Variants in SESN3 observed in about 807,000 individuals in gnomAD.
The protein encoded by SESN3 is sestrin-3.
Under a neutral mutation model 55.3 loss-of-function variants are expected in SESN3, and 21 were observed. That is an observed-to-expected ratio of 0.38 (90% confidence interval 0.27 to 0.55). The LOEUF (loss-of-function observed/expected upper bound fraction) is 0.55, where lower values mean the gene tolerates loss of function less well. Ranked by LOEUF, SESN3 falls within the 20% of genes least tolerant of loss-of-function variation. The pLI is 0.76. For missense variants in SESN3, 408 were observed against 604.3 expected (o/e 0.68, Z 3.41); for synonymous variants, 181 against 203.1 (o/e 0.89, Z 0.93).
At chr11:95,222,953 G>A (rs1296001196) in intron 1 of SESN3, among the ~76,000 whole-genome samples, 2 of 152,122 alleles carry the variant, frequency 1.3e-5, no homozygotes, top group African/African-American at 4.8e-5. Context: ...ACTTTATATA[G>A]TGAATTCCAC....
At chr11:95,218,713 C>T (rs1425218317) in intron 1 of SESN3, among the ~76,000 whole-genome samples, 1 of 147,844 alleles carries the variant, frequency 6.8e-6, no homozygotes, top group Non-Finnish European at 1.5e-5. Flanking sequence ...TGCAATGGCG[C>T]GATCTCAGCT....
intron 9 of SESN3, among the ~76,000 whole-genome samples, chr11:95,173,721 T>C (rs923813599): frequency 4.6e-5 from 7 of 151,980 alleles, no homozygotes; most frequent in African/African-American, 1.4e-4. Context: ...TTTATGCTTA[T>C]CCTGTGAAAA....
chr11:95,189,476 T>C (rs1860226717), intron 4 of SESN3, among the ~76,000 whole-genome samples: 1 of 151,968 alleles, frequency 6.6e-6, no homozygotes, highest in East Asian at 1.9e-4. Flanking sequence ...GGACACAAAC[T>C]TGTAACAGAG....
At chr11:95,220,482 A>G (rs1860838373) in intron 1 of SESN3, among the ~76,000 whole-genome samples, 1 of 152,200 alleles carries the variant, frequency 6.6e-6, no homozygotes, top group African/African-American at 2.4e-5. Context: ...TGGTCACATA[A>G]TTAGGATTTA....
intron 1 of SESN3, among the ~76,000 whole-genome samples, chr11:95,225,529 A>G (rs1860932820): frequency 6.6e-6 from 1 of 152,312 alleles, no homozygotes; most frequent in African/African-American, 2.4e-5. Context: ...AGCAGCCTCA[A>G]TATTGCAGAG....
At position 95,230,745 on chromosome 11, in the gene SESN3, G is replaced by T; in HGVS notation, c.78+38C>A. On this transcript the variant is annotated intron_variant, in intron 1 of 9. Transcript: ENST00000536441. This position sits in a 1 kb window ranked among gnomAD's most constrained non-coding sequence, Gnocchi z 4.6. ...CCGCCCGAGCCCCGGCCGGCAGGAA[G>T]CGACCCTCGCCGGCAGGACCCCGGG... 1 of 1,544,538 alleles carries T rather than the reference G, an allele frequency of 6.5e-7. No homozygotes were observed.
chr11:95,201,279 A>C (rs1370179282), intron 1 of SESN3: 1 of 152,078 alleles, frequency 6.6e-6, no homozygotes, highest in Admixed American at 6.6e-5. Context: ...TACTGCTATT[A>C]TTAGTGGAAA....
chr11:95,177,679 C>A, intron 8 of SESN3, 40 bp downstream of exon 8: 1 of 1,497,286 alleles, frequency 6.7e-7, no homozygotes. Flanking sequence ...CTTGAATTTT[C>A]ACTTAGAAAT....
At chr11:95,176,312 T>G (rs1204039934) in intron 8 of SESN3, among the ~76,000 whole-genome samples, 1 of 152,170 alleles carries the variant, frequency 6.6e-6, no homozygotes, top group Admixed American at 6.5e-5. Flanking sequence ...TGTCAGAGAT[T>G]TGCTTCGCAC....
intron 7 of SESN3, among the ~76,000 whole-genome samples, chr11:95,178,159 C>G (rs556723100): frequency 6.6e-6 from 1 of 152,284 alleles, no homozygotes; most frequent in East Asian, 1.9e-4. Context: ...CACTCAGGTA[C>G]TACGCACACT....
At chr11:95,218,647 CTTTTT>C (rs68150878) in intron 1 of SESN3, among the ~76,000 whole-genome samples, 3 of 122,060 alleles carry the variant, frequency 2.5e-5, no homozygotes, top group African/African-American at 2.9e-5. Flanking sequence ...GATTTACCCT[CTTTTT>C]TTTTTTTTTT....
At chr11:95,199,655 T>C (rs1434865792) in intron 1 of SESN3, among the ~76,000 whole-genome samples, 1 of 152,046 alleles carries the variant, frequency 6.6e-6, no homozygotes, top group Non-Finnish European at 1.5e-5. Flanking sequence ...AGAAAATTAA[T>C]TGCAGCACTT....
chr11:95,216,462 A>G (rs1860758752), intron 1 of SESN3, among the ~76,000 whole-genome samples: 1 of 152,238 alleles, frequency 6.6e-6, no homozygotes, highest in South Asian at 2.1e-4. Flanking sequence ...ACACTGTCAC[A>G]ATGAGTTCAA....
chr11:95,206,925 A>G (rs1241346444), intron 1 of SESN3, among the ~76,000 whole-genome samples: 1 of 151,966 alleles, frequency 6.6e-6, no homozygotes, highest in East Asian at 1.9e-4. Flanking sequence ...CCTCCCGAGT[A>G]GCTGGGACTA....
In SESN3 at chr11:95,231,154, A is replaced by T. The variant is rs1398580892; in HGVS notation, c.-294T>A. On this transcript the variant is annotated 5_prime_UTR_variant, in exon 1 of 10. Transcript: ENST00000536441. The stretch of plus-strand genomic sequence containing the variant: ...CCGCCCCCGCCAGGCTAGGACGAGC[A>T]GCCGCCACCGCTGCCACCGCCACCA... The T allele has an allele frequency of 3.5e-6, 1 of 282,486 alleles. No homozygotes were observed. The highest frequency in any genetic ancestry group is 2.7e-5 in the African/African-American group (1 of 37,666). 17.5% of individuals were successfully genotyped at this position (282,486 alleles called of 1,614,324 possible). A position where few individuals can be genotyped will look rare whatever the true frequency, so the allele number is the denominator to read the frequency against.
At chr11:95,210,072 A>G (rs981654379) in intron 1 of SESN3, among the ~76,000 whole-genome samples, 20 of 151,716 alleles carry the variant, frequency 1.3e-4, no homozygotes, top group African/African-American at 4.4e-4. Flanking sequence ...TTGCAGGGAC[A>G]TGGATGAAGC....
chr11:95,210,039 AAAG>A (rs1023114122), intron 1 of SESN3, among the ~76,000 whole-genome samples: 37 of 151,202 alleles, frequency 2.4e-4, no homozygotes, highest in Non-Finnish European at 3.2e-4. Context: ...AAAAAAAAAA[AAAG>A]AAGGATGAGT....
At chr11:95,220,016 G>A (rs1860830079) in intron 1 of SESN3, among the ~76,000 whole-genome samples, 1 of 152,020 alleles carries the variant, frequency 6.6e-6, no homozygotes, top group Non-Finnish European at 1.5e-5. Context: ...AAAATAAATA[G>A]CAGAACCACA....
intron 1 of SESN3, among the ~76,000 whole-genome samples, chr11:95,221,581 A>G (rs1442630643): frequency 1.3e-5 from 2 of 152,250 alleles, no homozygotes. Flanking sequence ...ACTAAAATAC[A>G]TATTTTATAC....
Sources: allele counts gnomAD v4.1 joint callset (sites outside exome capture counted in the v4.1 genomes callset), GRCh38; gene constraint gnomAD v4.1.1; non-coding constraint Gnocchi (gnomAD v3.1); transcripts MANE v1.5; gene names NCBI Gene and HGNC (gene_info 2026-07-23, HGNC 2026-07-21).